The following IGF2BP1 variants were observed in gnomAD, a reference collection of about 807,000 sequenced individuals.
IGF2BP1 encodes insulin-like growth factor 2 mRNA-binding protein 1.
Under a neutral mutation model 74.9 loss-of-function variants are expected in IGF2BP1, and 11 were observed. The ratio of observed to expected loss-of-function variants is 0.15; its 90% confidence interval spans 0.09 to 0.24. The LOEUF (loss-of-function observed/expected upper bound fraction) is 0.24. Ranked by LOEUF, IGF2BP1 falls within the 10% of genes least tolerant of loss-of-function variation. The probability of loss-of-function intolerance (pLI) is 1.00; values close to 1 mark genes in which losing one functional copy is unlikely to be tolerated. For synonymous variants in IGF2BP1, 287 were observed against 281.8 expected (o/e 1.02, Z -0.18); for missense variants, 440 against 757.4 (o/e 0.58, Z 4.92).
chr17:49,046,286 A>G lies in IGF2BP1; in HGVS notation c.1554A>G (p.Ala518=). 6.2e-7 allele frequency: 1 copy of G among 1,614,168 alleles called. No homozygotes were observed. Among genetic ancestry groups the G allele is most frequent in the Non-Finnish European group, 8.5e-7 (1 of 1,180,014 alleles). The change falls in exon 14 of 15, where the codon GCA becomes GCG. Residue 518 remains alanine (A), a synonymous_variant. Transcript: ENST00000290341. ...KTVNELQNLT[A]AEVVVPRDQT... is the part of the protein sequence containing the mutation. ...TGAACGAGTTGCAGAATTTGACGGC[A>G]GCTGAGGTGGTAGTACCAAGAGACC...
At chr17:49,028,986 T>C (rs1241022577) in intron 4 of IGF2BP1, among the ~76,000 whole-genome samples, 1 of 152,098 alleles carries the variant, frequency 6.6e-6, no homozygotes, top group Non-Finnish European at 1.5e-5. Context: ...TTTGTACTTT[T>C]AGTAGAGATG....
intron 2 of IGF2BP1, among the ~76,000 whole-genome samples, chr17:49,009,165 A>T (rs2041586392): frequency 6.6e-6 from 1 of 151,694 alleles, no homozygotes. Flanking sequence ...AGTAGCTGGG[A>T]CTATAGGTGT....
At chr17:48,998,187 A>G (rs1208034413) in intron 1 of IGF2BP1, among the ~76,000 whole-genome samples, 3 of 151,670 alleles carry the variant, frequency 2.0e-5, no homozygotes, top group Non-Finnish European at 2.9e-5. Context: ...CTCCCCACCG[A>G]CGGGGCGGGA....
At chr17:49,010,357 C>T (rs1233378494) in intron 2 of IGF2BP1, among the ~76,000 whole-genome samples, 1 of 143,888 alleles carries the variant, frequency 6.9e-6, no homozygotes, top group Non-Finnish European at 1.5e-5. Context: ...TGCTCTGTCG[C>T]CCAGGCTGGA....
At chr17:49,003,883 G>T (rs890799136) in intron 2 of IGF2BP1, among the ~76,000 whole-genome samples, 2 of 152,036 alleles carry the variant, frequency 1.3e-5, no homozygotes, top group African/African-American at 4.8e-5. Flanking sequence ...TTACCCACGG[G>T]AGAGGGGTCG....
rs1598167699 is a variant in IGF2BP1 at position 49,055,356 on chromosome 17, A to G, written c.*5912A>G. On this transcript the variant is annotated 3_prime_UTR_variant, in exon 15 of 15. Coordinates refer to ENST00000290341, the MANE Select transcript of IGF2BP1 (RefSeq NM_006546.4). ...CCTGGCCTGTCTCACCCCATCCCCC[A>G]CCCTATTCCTGCCAGTGAGTCCTTC... 6.4e-6 allele frequency: 2 copies of G among 313,558 alleles called. No homozygotes were observed. Among genetic ancestry groups the G allele is most frequent in the African/African-American group, 4.3e-5 (2 of 46,032 alleles). 19.4% of individuals were successfully genotyped at this position (313,558 alleles called of 1,614,324 possible).
chr17:49,014,902 G>A, intron 2 of IGF2BP1: 1 of 985,326 alleles, frequency 1.0e-6, no homozygotes, highest in Non-Finnish European at 1.2e-6. Flanking sequence ...CTCCTGAGAG[G>A]GCCACCTCGG....
intron 7 of IGF2BP1, among the ~76,000 whole-genome samples, chr17:49,041,060 T>C (rs969745306): frequency 6.6e-6 from 1 of 151,994 alleles, no homozygotes; most frequent in African/African-American, 2.4e-5. Context: ...GTGCGTATAG[T>C]CCCAGCTACT....
In IGF2BP1 at chr17:49,052,491, G is replaced by A. The variant is rs2042178891; in HGVS notation, c.*3047G>A. ...GCTCCCAGAAGAGACGAGGAAGTGTGTGGCAAGGGACTGGAAAACTTCACT... is the reference window on the plus strand; with the variant it reads ...GCTCCCAGAAGAGACGAGGAAGTGTATGGCAAGGGACTGGAAAACTTCACT... On this transcript the variant is annotated 3_prime_UTR_variant, in exon 15 of 15. Coordinates refer to ENST00000290341, the MANE Select transcript of IGF2BP1 (RefSeq NM_006546.4). The A allele has an allele frequency of 6.6e-6, 1 of 152,250 alleles. No individual in the cohort carries two copies. The highest frequency in any genetic ancestry group is 2.1e-4 in the South Asian group (1 of 4,830). 9.4% of individuals were successfully genotyped at this position (152,250 alleles called of 1,614,324 possible).
chr17:49,005,375 G>T (rs187053106), intron 2 of IGF2BP1, among the ~76,000 whole-genome samples: 8 of 152,220 alleles, frequency 5.3e-5, no homozygotes, highest in Non-Finnish European at 5.9e-5. Context: ...ATGGCTGGTC[G>T]TAAGCAAACT....
At chr17:49,008,766 A>AAT (rs1555595538) in intron 2 of IGF2BP1, among the ~76,000 whole-genome samples, 2 of 152,116 alleles carry the variant, frequency 1.3e-5, no homozygotes, top group African/African-American at 2.4e-5. Flanking sequence ...TAACTTAAAA[A>AAT]ATATATATTT....
chr17:49,027,231 G>T (rs1164519765), intron 4 of IGF2BP1, among the ~76,000 whole-genome samples: 4 of 152,156 alleles, frequency 2.6e-5, no homozygotes, highest in African/African-American at 4.8e-5. Flanking sequence ...CTCCTTCCCA[G>T]CCTGGAGTCT....
At chr17:49,015,693 C>CG (rs751936164) in intron 2 of IGF2BP1, among the ~76,000 whole-genome samples, 2 of 152,162 alleles carry the variant, frequency 1.3e-5, no homozygotes, top group Non-Finnish European at 2.9e-5. Flanking sequence ...CACTCAAGGT[C>CG]GGGGGAGAGG....
intron 2 of IGF2BP1, among the ~76,000 whole-genome samples, chr17:49,019,958 A>ATATT (rs1344393066): frequency 2.8e-5 from 1 of 36,070 alleles, no homozygotes; most frequent in Non-Finnish European, 5.2e-5. Flanking sequence ...ATTTATATAC[A>ATATT]CACACACACA....
chr17:49,047,423 T>C (rs2042118376), intron 14 of IGF2BP1, among the ~76,000 whole-genome samples: 1 of 152,130 alleles, frequency 6.6e-6, no homozygotes. Flanking sequence ...AGCACTGTTT[T>C]ATGTGGCTTA....
rs2041428678 is a variant in IGF2BP1 at position 48,997,970 on chromosome 17, A to G, written c.175+50A>G. ...AAAGCCACAACGAGAGCCCCGAACA[A>G]CGGAGACCCGCACCTTCCGGTTCCT... On this transcript the variant is annotated intron_variant, in intron 1 of 14. Coordinates refer to ENST00000290341, the MANE Select transcript of IGF2BP1 (RefSeq NM_006546.4). The surrounding 1 kb of genome is among the most constrained non-coding windows in gnomAD (Gnocchi z 4.8). 1 of 1,585,674 alleles carries G rather than the reference A, an allele frequency of 6.3e-7. No homozygotes were observed. Among genetic ancestry groups the G allele is most frequent in the South Asian group, 1.1e-5 (1 of 87,792 alleles).
chr17:49,010,158 T>C (rs1280913229), intron 2 of IGF2BP1, among the ~76,000 whole-genome samples: 3 of 152,178 alleles, frequency 2.0e-5, no homozygotes, highest in East Asian at 3.8e-4. Context: ...GCTAGAACTC[T>C]TCATCTTGCA....
chr17:49,051,668 C>T lies in IGF2BP1; in HGVS notation c.*2224C>T, dbSNP rs996888687. The T allele has an allele frequency of 6.6e-6, 1 of 151,960 alleles. No individual in the cohort carries two copies. Among genetic ancestry groups the T allele is most frequent in the Admixed American group, 6.6e-5 (1 of 15,258 alleles). The allele number at this position is 151,960 out of a possible 1,614,324, so 9.4% of individuals were successfully genotyped here. ...TTGAGATATTTTAAAATATTGCCTC[C>T]GTTTTATCGAGGAGAGAAATAATAA... On this transcript the variant is annotated 3_prime_UTR_variant, in exon 15 of 15. Transcript: ENST00000290341.
chr17:49,052,095 C>T lies in IGF2BP1; in HGVS notation c.*2651C>T, dbSNP rs1351745384. On this transcript the variant is annotated 3_prime_UTR_variant, in exon 15 of 15. Transcript: ENST00000290341. ...CTGCCTTATCATTTTCTCCCTAGGACATTCCCTTGTAGCCCCCAGAATTGT... is the reference window on the plus strand; with the variant it reads ...CTGCCTTATCATTTTCTCCCTAGGATATTCCCTTGTAGCCCCCAGAATTGT... 6.6e-6 allele frequency: 1 copy of T among 152,144 alleles called. No individual in the cohort carries two copies. Among genetic ancestry groups the T allele is most frequent in the African/African-American group, 2.4e-5 (1 of 41,412 alleles). 9.4% of individuals were successfully genotyped at this position (152,144 alleles called of 1,614,324 possible).
Sources: gnomAD v4.1 joint callset for allele counts (sites outside exome capture counted in the v4.1 genomes callset) on GRCh38, gnomAD v4.1.1 for gene constraint, Gnocchi (gnomAD v3.1) non-coding constraint, MANE v1.5 for transcripts, NCBI Gene and HGNC (gene_info 2026-07-23, HGNC 2026-07-21) for gene names.